ATP8A2: variants seen among roughly 807,000 people sequenced by gnomAD.
ATP8A2 encodes the protein phospholipid-transporting ATPase IB.
In ATP8A2, 100 loss-of-function variants were observed where a neutral mutation model predicts 165.6. That is an observed-to-expected ratio of 0.60 (90% CI 0.51 to 0.71). The LOEUF (loss-of-function observed/expected upper bound fraction) is 0.71. Among genes scored for constraint, ATP8A2 ranks in the 30% least tolerant of loss-of-function variants. The probability of loss-of-function intolerance (pLI) is 0.00; values close to 1 mark genes in which losing one functional copy is unlikely to be tolerated. For missense variants in ATP8A2, 1,227 were observed against 1,479.5 expected, an observed-to-expected ratio of 0.83 and a Z score of 2.80; for synonymous variants, 543 against 548.8, an observed-to-expected ratio of 0.99 and a Z score of 0.15.
intron 25 of ATP8A2, among the ~76,000 whole-genome samples, chr13:25,727,433 C>T (rs3132365): frequency 0.082 from 12,426 of 152,176 alleles, 564 homozygotes; most frequent in East Asian, 0.13. Context: ...CCGCCCCATG[C>T]CAGAGCTGTA....
At chr13:25,604,009 G>GCAAA (rs1444802712) in intron 24 of ATP8A2, among the ~76,000 whole-genome samples, 1 of 151,928 alleles carries the variant, frequency 6.6e-6, no homozygotes, top group Non-Finnish European at 1.5e-5. Context: ...ATAAGAGATA[G>GCAAA]CAAATCTCAA....
chr13:25,529,597 T>G (rs1255084135), intron 2 of ATP8A2, among the ~76,000 whole-genome samples: 1 of 152,050 alleles, frequency 6.6e-6, no homozygotes, highest in Non-Finnish European at 1.5e-5. Context: ...ATAAAGGGTG[T>G]GTGGAAGGAA....
intron 33 of ATP8A2, among the ~76,000 whole-genome samples, chr13:25,916,900 A>C (rs993853171): frequency 6.6e-6 from 1 of 152,094 alleles, no homozygotes; most frequent in Admixed American, 6.6e-5. Context: ...TATTACCTTG[A>C]GACTTGAACT....
Position 25,551,513 on chromosome 13 carries a change from G to T in ATP8A2, c.1057+10G>T, listed in dbSNP as rs34018109. On this transcript the variant is annotated intron_variant, in intron 11 of 36. Transcript: ENST00000381655. ...TACATCAAGAAGATGGGTAAGTGTC[G>T]GGGTGGGTTGCTTGTTCCAGTGGAA... The T allele has an allele frequency of 1.3e-6, 2 of 1,591,766 alleles. No homozygotes were observed. The highest frequency in any genetic ancestry group is 1.3e-5 in the African/African-American group (1 of 74,370).
At chr13:25,570,650 A>G (rs945298125) in intron 16 of ATP8A2, 117 bp from the exon 17 acceptor site, 49 of 794,758 alleles carry the variant, frequency 6.2e-5, no homozygotes, top group East Asian at 2.0e-4. Context: ...AAGGACCTCT[A>G]CCCTGTCCTA....
chr13:25,495,087 C>G lies in ATP8A2; in HGVS notation c.221+25966C>G, dbSNP rs1023608316. On this transcript the variant is annotated intron_variant, in intron 2 of 36. Coordinates refer to ENST00000381655, the MANE Select transcript of ATP8A2 (RefSeq NM_016529.6). ...ATGTAAGCCCACCTTGGTTGTTGTT[C>G]CTGAGCACGTTGAGGACATTTGGGC... Among the ~76,000 whole-genome samples the G allele has an allele frequency of 2.6e-5, 4 of 152,216 alleles. No homozygotes were observed. The East Asian group carries it at 7.7e-4, about 29-fold the overall frequency.
chr13:25,616,326 CT>C (rs535891442), intron 24 of ATP8A2, among the ~76,000 whole-genome samples: 4,046 of 106,764 alleles, frequency 0.038, 57 homozygotes, highest in African/African-American at 0.12. Context: ...TTCTTTCTTT[CT>C]TTTTTTTTTT....
At chr13:25,847,088 T>C (rs1299679741) in intron 30 of ATP8A2, among the ~76,000 whole-genome samples, 1 of 152,212 alleles carries the variant, frequency 6.6e-6, no homozygotes, top group African/African-American at 2.4e-5. Flanking sequence ...AGTAACTCCA[T>C]GTGGCCTCTG....
At chr13:25,725,200 T>A (rs1167132353) in intron 25 of ATP8A2, among the ~76,000 whole-genome samples, 2 of 152,232 alleles carry the variant, frequency 1.3e-5, no homozygotes, top group Non-Finnish European at 2.9e-5. Context: ...AAAACTTCCC[T>A]TCATTCTTCC....
At chr13:26,008,228 C>T (rs1277649145) in intron 35 of ATP8A2, among the ~76,000 whole-genome samples, 1 of 151,840 alleles carries the variant, frequency 6.6e-6, no homozygotes, top group Non-Finnish European at 1.5e-5. Flanking sequence ...GCTGGAATTG[C>T]AAGGAAAGTC....
At chr13:25,516,064 A>G (rs2037458883) in intron 2 of ATP8A2, among the ~76,000 whole-genome samples, 1 of 152,354 alleles carries the variant, frequency 6.6e-6, no homozygotes, top group African/African-American at 2.4e-5. Flanking sequence ...TGAGGGACGG[A>G]TAGATATGGC....
chr13:25,512,532 G>A (rs1382302912), intron 2 of ATP8A2, among the ~76,000 whole-genome samples: 9 of 149,794 alleles, frequency 6.0e-5, no homozygotes, highest in South Asian at 2.1e-4. Flanking sequence ...CCTCCCTCCC[G>A]GACGGGGCGG....
chr13:25,649,060 T>C (rs2041748793), intron 24 of ATP8A2: 2 of 500,930 alleles, frequency 4.0e-6, no homozygotes, highest in Admixed American at 2.1e-5. Flanking sequence ...GATGTCATGA[T>C]TTCTTCCTGA....
intron 25 of ATP8A2, among the ~76,000 whole-genome samples, chr13:25,740,624 GC>G (rs1352309128): frequency 6.6e-6 from 1 of 152,154 alleles, no homozygotes; most frequent in African/African-American, 2.4e-5. Flanking sequence ...TAGCTTCATG[GC>G]TTTATGGAGT....
intron 27 of ATP8A2, among the ~76,000 whole-genome samples, chr13:25,792,003 G>C (rs1431536094): frequency 6.6e-6 from 1 of 152,108 alleles, no homozygotes; most frequent in Non-Finnish European, 1.5e-5. Context: ...TGTTGATTTT[G>C]ATGTACCAGA....
rs58642019 is a variant in ATP8A2 at position 25,692,866 on chromosome 13, C to T, written c.2212-6307C>T. Reference sequence around the variant, plus strand: ...GTCGTCAGTAGCAGTCACTCACTTTCGACATTAAATTATGCGTTTGTTTAA... The same window carrying T: ...GTCGTCAGTAGCAGTCACTCACTTTTGACATTAAATTATGCGTTTGTTTAA... On this transcript the variant is annotated intron_variant, in intron 24 of 36. Coordinates refer to ENST00000381655, the MANE Select transcript of ATP8A2 (RefSeq NM_016529.6). Among the ~76,000 whole-genome samples the T allele has an allele frequency of 0.02, 2,983 of 152,226 alleles. 206 individuals are homozygous for T. The East Asian group carries it at 0.24, about 12-fold the overall frequency.
Position 25,443,763 on chromosome 13 carries a change from C to T in ATP8A2, c.77-25214C>T, listed in dbSNP as rs148433123. The stretch of plus-strand genomic sequence containing the variant: ...CTCTCTTTCCTCCCTAAAACATAGG[C>T]TACATGAGGGCACGGAATTATATCT... On this transcript the variant is annotated intron_variant, in intron 1 of 36. Coordinates refer to ENST00000381655, the MANE Select transcript of ATP8A2 (RefSeq NM_016529.6). Among the ~76,000 whole-genome samples, 562 of 152,294 alleles carry T rather than the reference C, an allele frequency of 3.7e-3. 10 individuals carry two copies. Among genetic ancestry groups the T allele is most frequent in the Admixed American group, 0.027 (416 of 15,298 alleles).
chr13:25,540,635 CT>C (rs1480157948), intron 8 of ATP8A2, among the ~76,000 whole-genome samples: 2 of 152,046 alleles, frequency 1.3e-5, no homozygotes, highest in Non-Finnish European at 2.9e-5. Flanking sequence ...AGTTCTCTGC[CT>C]GTGATGCTGG....
At chr13:25,481,829 C>G (rs1482536321) in intron 2 of ATP8A2, among the ~76,000 whole-genome samples, 3 of 152,138 alleles carry the variant, frequency 2.0e-5, no homozygotes, top group Non-Finnish European at 2.9e-5. Context: ...GAAGGAGAGA[C>G]AGAGTGAGAG....
Sources: allele counts gnomAD v4.1 joint callset (sites outside exome capture counted in the v4.1 genomes callset), GRCh38; gene constraint gnomAD v4.1.1; transcripts MANE v1.5; gene names NCBI Gene and HGNC (gene_info 2026-07-23, HGNC 2026-07-21).